PPFIA2: variants seen among roughly 807,000 people sequenced by gnomAD.
The protein encoded by PPFIA2 is liprin-alpha-2.
A neutral mutation model predicts 175.5 loss-of-function variants in PPFIA2; 46 were observed. The observed-to-expected ratio is 0.26, with a 90% CI of 0.21 to 0.34. PPFIA2 has a LOEUF of 0.34. Among genes scored for constraint, PPFIA2 ranks in the 10% least tolerant of loss-of-function variants. The pLI is 1.00. For synonymous variants in PPFIA2, 568 were observed against 511.4 expected (o/e 1.11, Z -1.49); for missense variants, 1,179 against 1,506.1 (o/e 0.78, Z 3.60).
intron 4 of PPFIA2, among the ~76,000 whole-genome samples, chr12:81,549,402 G>A (rs1378687750): frequency 6.6e-6 from 1 of 152,020 alleles, no homozygotes; most frequent in African/African-American, 2.4e-5. Flanking sequence ...GACACCACAA[G>A]AATGGATAGA....
chr12:81,591,413 G>A (rs1379432058), intron 4 of PPFIA2, among the ~76,000 whole-genome samples: 1 of 152,202 alleles, frequency 6.6e-6, no homozygotes, highest in Non-Finnish European at 1.5e-5. Flanking sequence ...CCGGCTGCAG[G>A]AATTTGCATA....
intron 9 of PPFIA2, among the ~76,000 whole-genome samples, chr12:81,380,237 T>C (rs1440622131): frequency 6.6e-6 from 1 of 152,100 alleles, no homozygotes; most frequent in Non-Finnish European, 1.5e-5. Context: ...TCGTGACATG[T>C]GCCCTGTAGT....
chr12:81,569,073 TATTTA>T (rs1215614118), intron 4 of PPFIA2, among the ~76,000 whole-genome samples: 3 of 152,202 alleles, frequency 2.0e-5, no homozygotes, highest in South Asian at 2.1e-4. Context: ...GTATTTAAAC[TATTTA>T]ATTTAGTTAT....
intron 16 of PPFIA2, among the ~76,000 whole-genome samples, chr12:81,353,670 T>A (rs780634928): frequency 5.9e-5 from 9 of 152,190 alleles, no homozygotes; most frequent in Admixed American, 5.2e-4. Context: ...TATAACAATC[T>A]ATTTATTTGT....
chr12:81,341,280 C>T, intron 19 of PPFIA2, 72 bp from the exon 20 acceptor site: 1 of 1,473,842 alleles, frequency 6.8e-7, no homozygotes, highest in Non-Finnish European at 9.3e-7. Context: ...AATGGAGAAT[C>T]ATGAGAACAA....
At chr12:81,673,900 AGAATTTTCAATAAAATCTATT>A (rs965386614) in intron 4 of PPFIA2, among the ~76,000 whole-genome samples, 6 of 152,042 alleles carry the variant, frequency 3.9e-5, no homozygotes, top group Admixed American at 2.0e-4. Context: ...ATTAAAACTG[AGAATTTTCAATAAAATCTATT>A]GAATTTTCAA....
intron 18 of PPFIA2, among the ~76,000 whole-genome samples, chr12:81,346,625 A>G (rs1456046473): frequency 6.6e-6 from 1 of 151,362 alleles, no homozygotes; most frequent in Non-Finnish European, 1.5e-5. Flanking sequence ...TCCCAAATAT[A>G]AAGATAAATG....
chr12:81,367,044 C>A (rs2033686022), intron 14 of PPFIA2, 64 bp downstream of exon 14: 5 of 1,385,538 alleles, frequency 3.6e-6, no homozygotes, highest in Non-Finnish European at 2.9e-6. Context: ...TACAACAAAA[C>A]ATTCATCAGT....
At chr12:81,424,949 A>G (rs995823025) in intron 7 of PPFIA2, 6 of 152,224 alleles carry the variant, frequency 3.9e-5, no homozygotes, top group Admixed American at 6.5e-5. Context: ...AGTGTTGATT[A>G]ACCAAAACCT....
At chr12:81,531,841 A>T (rs551083398) in intron 4 of PPFIA2, among the ~76,000 whole-genome samples, 1 of 151,850 alleles carries the variant, frequency 6.6e-6, no homozygotes, top group Non-Finnish European at 1.5e-5. Context: ...TTTAATAATA[A>T]TGGTACTGGT....
intron 7 of PPFIA2, among the ~76,000 whole-genome samples, chr12:81,410,003 C>G (rs765929790): frequency 5.9e-5 from 9 of 151,978 alleles, no homozygotes; most frequent in Non-Finnish European, 1.2e-4. Context: ...CTTTAGGAGA[C>G]GATAAATGGA....
At chr12:81,565,452 T>C (rs1464403243) in intron 4 of PPFIA2, among the ~76,000 whole-genome samples, 1 of 152,172 alleles carries the variant, frequency 6.6e-6, no homozygotes, top group African/African-American at 2.4e-5. Flanking sequence ...TTGTGGGACC[T>C]TGTGATCATG....
intron 4 of PPFIA2, among the ~76,000 whole-genome samples, chr12:81,602,247 A>G (rs2059872446): frequency 6.7e-6 from 1 of 149,054 alleles, no homozygotes; most frequent in Non-Finnish European, 1.5e-5. Context: ...TGATAAACAG[A>G]GAAAATACAA....
chr12:81,692,769 C>A (rs1213731365), intron 3 of PPFIA2, among the ~76,000 whole-genome samples: 2 of 152,042 alleles, frequency 1.3e-5, no homozygotes, highest in Non-Finnish European at 2.9e-5. Context: ...TGCTTCCACA[C>A]ATATTTTCAT....
At chr12:81,319,027 T>A (rs1278696245) in intron 22 of PPFIA2, among the ~76,000 whole-genome samples, 1 of 151,686 alleles carries the variant, frequency 6.6e-6, no homozygotes, top group African/African-American at 2.4e-5. Flanking sequence ...AATGACATTA[T>A]CTTCTATTAT....
intron 4 of PPFIA2, among the ~76,000 whole-genome samples, chr12:81,539,816 T>G (rs909026670): frequency 1.3e-5 from 2 of 151,936 alleles, no homozygotes; most frequent in African/African-American, 4.8e-5. Context: ...ACACTTAGAT[T>G]AATGTTTTCA....
chr12:81,365,933 CT>C (rs1354340612), intron 14 of PPFIA2, among the ~76,000 whole-genome samples: 2 of 151,182 alleles, frequency 1.3e-5, no homozygotes, highest in African/African-American at 4.9e-5. Context: ...TATTCTTCAT[CT>C]TTTCCAATAC....
chr12:81,517,881 T>A (rs1262631072), intron 4 of PPFIA2, among the ~76,000 whole-genome samples: 1 of 149,120 alleles, frequency 6.7e-6, no homozygotes, highest in Non-Finnish European at 1.5e-5. Flanking sequence ...AGGCTGCTAC[T>A]CTCAGGTGAC....
intron 7 of PPFIA2, chr12:81,425,051 G>T (rs1201116374): frequency 6.6e-6 from 1 of 152,186 alleles, no homozygotes; most frequent in Non-Finnish European, 1.5e-5. Flanking sequence ...TGTAATTCAG[G>T]TGAATTACTT....
Sources: allele counts gnomAD v4.1 joint callset (sites outside exome capture counted in the v4.1 genomes callset), GRCh38; gene constraint gnomAD v4.1.1; transcripts MANE v1.5; gene names NCBI Gene and HGNC (gene_info 2026-07-23, HGNC 2026-07-21).